SLC12A1: variants seen among roughly 807,000 people sequenced by gnomAD.
SLC12A1 encodes Na-K-2Cl cotransporter.
Under a neutral mutation model 130.4 loss-of-function variants are expected in SLC12A1, and 89 were observed. The ratio of observed to expected loss-of-function variants is 0.68; its 90% CI spans 0.58 to 0.81. The LOEUF is 0.81. SLC12A1 is among the 40% of genes least tolerant of loss of function. The pLI is 0.00. For missense variants in SLC12A1, 1,310 were observed against 1,336.4 expected (o/e 0.98, Z 0.31); for synonymous variants, 499 against 460.0 (o/e 1.08, Z -1.09).
chr15:48,262,016 T>C (rs956392787), intron 17 of SLC12A1, among the ~76,000 whole-genome samples: 2 of 152,210 alleles, frequency 1.3e-5, no homozygotes, highest in South Asian at 4.2e-4. Context: ...CTCAATTAAC[T>C]TTCATTGTTA....
At chr15:48,299,919 T>A (rs2141130549) in intron 25 of SLC12A1, among the ~76,000 whole-genome samples, 1 of 152,212 alleles carries the variant, frequency 6.6e-6, no homozygotes, top group East Asian at 1.9e-4. Flanking sequence ...TGGACGGAAA[T>A]GAAAAAGGAC....
intron 17 of SLC12A1, among the ~76,000 whole-genome samples, chr15:48,264,387 G>T (rs995251010): frequency 2.0e-5 from 3 of 151,922 alleles, no homozygotes; most frequent in African/African-American, 7.3e-5. Context: ...CTTAACTCTT[G>T]AACTGCATAA....
At chr15:48,263,430 A>G (rs2041797239) in intron 17 of SLC12A1, among the ~76,000 whole-genome samples, 1 of 152,108 alleles carries the variant, frequency 6.6e-6, no homozygotes, top group Non-Finnish European at 1.5e-5. Context: ...TTTTAAAAAG[A>G]TTGATTCTGT....
In SLC12A1 at chr15:48,284,186, C is replaced by A. The variant is rs528457490; in HGVS notation, c.2486-920C>A. ...CACCCAGAAACCTCAGCTTTTATTT[C>A]TTTGACTTTGGTCACCCACTCCACA... On this transcript the variant is annotated intron_variant, in intron 20 of 26. Transcript: ENST00000380993. 2.6e-5 allele frequency among the ~76,000 whole-genome samples: 4 copies of A among 152,302 alleles called. No individual in the cohort carries two copies. In the East Asian group the frequency reaches 7.7e-4, roughly 29 times the overall value.
intron 4 of SLC12A1, chr15:48,225,800 C>G: frequency 1.9e-6 from 1 of 537,462 alleles, no homozygotes; most frequent in Non-Finnish European, 2.4e-6. Flanking sequence ...TGTAAATGAT[C>G]CAATGAATTC....
chr15:48,219,371 C>T (rs1350033020), intron 2 of SLC12A1, among the ~76,000 whole-genome samples: 1 of 152,054 alleles, frequency 6.6e-6, no homozygotes, highest in Non-Finnish European at 1.5e-5. Context: ...TCCTGGCCAA[C>T]AAGGTGAAGC....
Position 48,221,468 on chromosome 15 carries a change from T to A in SLC12A1, c.628+472T>A, listed in dbSNP as rs1214032732. 6.3e-5 allele frequency: 43 copies of A among 680,174 alleles called. 1 individual carries two copies. In the Admixed American group the frequency reaches 9.2e-4, roughly 15 times the overall value. 42.1% of individuals were successfully genotyped at this position (680,174 alleles called of 1,614,324 possible). A position where few individuals can be genotyped will look rare whatever the true frequency, so the allele number is the denominator to read the frequency against. On this transcript the variant is annotated intron_variant, in intron 4 of 26. Transcript: ENST00000380993. ...CTTTTTCCAAAGAAAATAATTGTGT[T>A]ACTTTCGGGTACCAGCAGTAAGAAA...
At chr15:48,253,158 G>C (rs886147982) in intron 15 of SLC12A1, among the ~76,000 whole-genome samples, 2 of 152,058 alleles carry the variant, frequency 1.3e-5, no homozygotes, top group African/African-American at 4.8e-5. Context: ...ACCTTGGAGG[G>C]GTCTGTTTAG....
At position 48,208,835 on chromosome 15, in the gene SLC12A1, C is replaced by G. The variant is rs74823554; in HGVS notation, c.420+696C>G. Among the ~76,000 whole-genome samples the G allele has an allele frequency of 7.2e-3, 1,093 of 152,218 alleles. 8 individuals are homozygous for G. The highest frequency in any genetic ancestry group is 0.011 in the Admixed American group (169 of 15,296). ...CTGTAGTTAATACTGTGGGTGACAG[C>G]CTTTAGTGTGTAGGGGTATTTTTTA... is the stretch of plus-strand genomic sequence containing the variant. On this transcript the variant is annotated intron_variant, in intron 2 of 26. Coordinates refer to ENST00000380993, the MANE Select transcript of SLC12A1 (RefSeq NM_000338.3).
At chr15:48,297,400 G>T (rs1269876441) in intron 24 of SLC12A1, among the ~76,000 whole-genome samples, 1 of 152,228 alleles carries the variant, frequency 6.6e-6, no homozygotes, top group Non-Finnish European at 1.5e-5. Context: ...TACTCTGGAA[G>T]AAGACATAGA....
intron 20 of SLC12A1, among the ~76,000 whole-genome samples, chr15:48,284,535 C>T (rs1307663135): frequency 3.9e-5 from 6 of 152,218 alleles, no homozygotes; most frequent in African/African-American, 1.4e-4. Flanking sequence ...CTTGCCCTCA[C>T]AAATAAAAAT....
chr15:48,232,821 G>A lies in SLC12A1; in HGVS notation c.1070G>A (p.Gly357Asp). The change falls in exon 8 of 27, where the codon GGT (glycine) becomes GAT (aspartate). Residue 357 changes from glycine (G) to aspartate (D), a missense_variant. Gly to Asp is a moderately conservative substitution (Grantham distance 94). Transcript: ENST00000380993. ...IPSNNEKKSR[G>D]FFNYQASIFA... Reference sequence around the variant, plus strand: ...TCCAACAATGAGAAAAAGTCCAGAGGTTTCTTTAATTACCAAGGTACATGG... The same window carrying A: ...TCCAACAATGAGAAAAAGTCCAGAGATTTCTTTAATTACCAAGGTACATGG... 3 of 1,606,680 alleles carry A rather than the reference G, an allele frequency of 1.9e-6. No individual in the cohort carries two copies. The highest frequency in any genetic ancestry group is 2.6e-6 in the Non-Finnish European group (3 of 1,173,906).
intron 17 of SLC12A1, among the ~76,000 whole-genome samples, chr15:48,266,275 C>T: frequency 6.6e-6 from 1 of 152,120 alleles, no homozygotes. Context: ...AAATCACATC[C>T]GGGGCTTTGA....
intron 5 of SLC12A1, chr15:48,226,929 A>G: frequency 1.6e-6 from 1 of 632,016 alleles, no homozygotes; most frequent in Non-Finnish European, 2.8e-6. Context: ...GGTGCTTCCT[A>G]GACCTTCATG....
At chr15:48,235,678 C>A (rs1402091414) in intron 9 of SLC12A1, among the ~76,000 whole-genome samples, 1 of 151,792 alleles carries the variant, frequency 6.6e-6, no homozygotes, top group Non-Finnish European at 1.5e-5. Flanking sequence ...ATGTATATTT[C>A]TTGATAAGTC....
chr15:48,249,061 A>T (rs2041616926), intron 13 of SLC12A1, among the ~76,000 whole-genome samples: 1 of 152,066 alleles, frequency 6.6e-6, no homozygotes, highest in African/African-American at 2.4e-5. Flanking sequence ...TAATAATAAT[A>T]TTTTGGCTAG....
intron 2 of SLC12A1, among the ~76,000 whole-genome samples, chr15:48,214,324 C>T (rs1448575081): frequency 1.3e-5 from 2 of 152,112 alleles, no homozygotes; most frequent in Non-Finnish European, 2.9e-5. Context: ...TTTAGTAATA[C>T]ATGGCAAGAA....
intron 7 of SLC12A1, among the ~76,000 whole-genome samples, chr15:48,231,256 T>C (rs2041373639): frequency 6.6e-6 from 1 of 152,218 alleles, no homozygotes; most frequent in Non-Finnish European, 1.5e-5. Context: ...ATGTTGAGCA[T>C]TCTTCTAGGC....
At chr15:48,247,929 C>G (rs1566839962) in intron 13 of SLC12A1, among the ~76,000 whole-genome samples, 1 of 152,140 alleles carries the variant, frequency 6.6e-6, no homozygotes, top group Non-Finnish European at 1.5e-5. Context: ...GGTAAGGAGT[C>G]TACATTTCAC....
Sources: allele counts gnomAD v4.1 joint callset (sites outside exome capture counted in the v4.1 genomes callset), GRCh38; gene constraint gnomAD v4.1.1; transcripts MANE v1.5; gene names NCBI Gene and HGNC (gene_info 2026-07-23, HGNC 2026-07-21).